KCND2: variants seen among roughly 807,000 people sequenced by gnomAD.
KCND2 encodes the protein A-type voltage-gated potassium channel KCND2.
A neutral mutation model predicts 54.4 loss-of-function variants in KCND2; 16 were observed. That is an observed-to-expected ratio of 0.29 (90% confidence interval 0.20 to 0.45). The LOEUF (loss-of-function observed/expected upper bound fraction) is 0.45, where lower values mean the gene tolerates loss of function less well. KCND2 is among the 20% of genes least tolerant of loss of function. The pLI, the probability that KCND2 is intolerant of heterozygous loss-of-function variation, is 1.00. For synonymous variants in KCND2, 317 were observed against 310.7 expected (o/e 1.02, Z -0.21); for missense variants, 486 against 824.2 (o/e 0.59, Z 5.02).
At chr7:120,568,482 A>T (rs949899503) in intron 1 of KCND2, among the ~76,000 whole-genome samples, 7 of 152,160 alleles carry the variant, frequency 4.6e-5, no homozygotes, top group Non-Finnish European at 7.4e-5. Context: ...GTACATTTGT[A>T]TCTTACTTTA....
chr7:120,509,899 C>A (rs1034449625), intron 1 of KCND2, among the ~76,000 whole-genome samples: 2 of 152,022 alleles, frequency 1.3e-5, no homozygotes, highest in African/African-American at 2.4e-5. Context: ...TTGGTTCATT[C>A]TTCTAGCCAA....
At chr7:120,281,253 A>G (rs887483038) in intron 1 of KCND2, among the ~76,000 whole-genome samples, 3 of 152,090 alleles carry the variant, frequency 2.0e-5, no homozygotes, top group African/African-American at 7.2e-5. Context: ...GTGATAATGA[A>G]TTCATTCCCT....
chr7:120,676,980 A>G (rs1792068408), intron 1 of KCND2, among the ~76,000 whole-genome samples: 1 of 145,182 alleles, frequency 6.9e-6, no homozygotes, highest in South Asian at 2.1e-4. Flanking sequence ...AATCATAACT[A>G]GTGAATTTGA....
intron 1 of KCND2, among the ~76,000 whole-genome samples, chr7:120,642,478 C>T (rs1793388825): frequency 6.6e-6 from 1 of 151,230 alleles, no homozygotes; most frequent in South Asian, 2.1e-4. Flanking sequence ...ACAAGAATCA[C>T]TTGAACCCGG....
intron 1 of KCND2, among the ~76,000 whole-genome samples, chr7:120,719,533 A>G (rs905638830): frequency 3.3e-5 from 5 of 152,182 alleles, no homozygotes; most frequent in African/African-American, 1.2e-4. Context: ...TAAAGCACAC[A>G]TTGTACATTT....
chr7:120,576,080 C>T (rs1792428545), intron 1 of KCND2, among the ~76,000 whole-genome samples: 1 of 152,026 alleles, frequency 6.6e-6, no homozygotes, highest in African/African-American at 2.4e-5. Flanking sequence ...GAAAAAATTA[C>T]CCCCCAAAAG....
intron 1 of KCND2, among the ~76,000 whole-genome samples, chr7:120,575,732 C>T (rs963724402): frequency 3.3e-5 from 5 of 152,096 alleles, no homozygotes; most frequent in African/African-American, 1.2e-4. Flanking sequence ...TTAAATCAAA[C>T]GAATACGTTC....
chr7:120,661,646 TCTC>T (rs748940990), intron 1 of KCND2, among the ~76,000 whole-genome samples: 52 of 137,642 alleles, frequency 3.8e-4, no homozygotes, highest in South Asian at 1.8e-3. Flanking sequence ...CTAGACTTCT[TCTC>T]AAAAAAAAAA....
chr7:120,358,218 A>G (rs1041117849), intron 1 of KCND2, among the ~76,000 whole-genome samples: 2 of 152,290 alleles, frequency 1.3e-5, no homozygotes, highest in Admixed American at 6.5e-5. Flanking sequence ...ACAGGTGAAT[A>G]AGATGTGTCA....
At chr7:120,655,131 A>G (rs148191824) in intron 1 of KCND2, among the ~76,000 whole-genome samples, 1 of 152,092 alleles carries the variant, frequency 6.6e-6, no homozygotes, top group East Asian at 1.9e-4. Flanking sequence ...ATTCATTTTT[A>G]TATTTAGAAA....
chr7:120,353,231 G>C (rs1277201994), intron 1 of KCND2, among the ~76,000 whole-genome samples: 1 of 139,414 alleles, frequency 7.2e-6, no homozygotes, highest in African/African-American at 2.6e-5. Flanking sequence ...AGTGGGAATT[G>C]AGACCCTGGC....
intron 1 of KCND2, among the ~76,000 whole-genome samples, chr7:120,452,778 C>T (rs1031363361): frequency 6.6e-6 from 1 of 152,254 alleles, no homozygotes; most frequent in Non-Finnish European, 1.5e-5. Context: ...AGCAGTGGAG[C>T]GTGGCCAGTG....
chr7:120,399,375 A>G (rs926492216), intron 1 of KCND2, among the ~76,000 whole-genome samples: 31 of 151,960 alleles, frequency 2.0e-4, no homozygotes, highest in African/African-American at 6.3e-4. Context: ...AACATAGAGA[A>G]AAAAACATTA....
rs191610788 is a variant in KCND2, at chr7:120,635,269, A to G, written c.1116-97634A>G. 2.6e-4 allele frequency among the ~76,000 whole-genome samples: 40 copies of G among 152,344 alleles called. No individual in the cohort carries two copies. The East Asian group carries it at 7.7e-3, about 29-fold the overall frequency. On this transcript the variant is annotated intron_variant, in intron 1 of 5. Transcript: ENST00000331113. Reference sequence around the variant, plus strand: ...CAAAAACTGATGTAGCAGATAAGTGAAGAATGAAATAACAATACTAAGCAT... The same window carrying G: ...CAAAAACTGATGTAGCAGATAAGTGGAGAATGAAATAACAATACTAAGCAT...
At chr7:120,436,947 T>G (rs1801875660) in intron 1 of KCND2, among the ~76,000 whole-genome samples, 1 of 152,174 alleles carries the variant, frequency 6.6e-6, no homozygotes, top group South Asian at 2.1e-4. Flanking sequence ...ACTTGATCTA[T>G]GGATATCAGT....
chr7:120,533,032 T>C (rs1233341091), intron 1 of KCND2, among the ~76,000 whole-genome samples: 1 of 152,092 alleles, frequency 6.6e-6, no homozygotes, highest in African/African-American at 2.4e-5. Context: ...TTCTCTGTAG[T>C]TAATTTTTTT....
chr7:120,713,264 A>G (rs1168304558), intron 1 of KCND2, among the ~76,000 whole-genome samples: 1 of 152,194 alleles, frequency 6.6e-6, no homozygotes, highest in South Asian at 2.1e-4. Context: ...CTCCAAGAGC[A>G]GAGTCTGCCT....
chr7:120,713,261 A>T (rs1792563663), intron 1 of KCND2, among the ~76,000 whole-genome samples: 1 of 152,174 alleles, frequency 6.6e-6, no homozygotes, highest in Non-Finnish European at 1.5e-5. Context: ...AGCCTCCAAG[A>T]GCAGAGTCTG....
At chr7:120,723,595 A>G (rs993874555) in intron 1 of KCND2, among the ~76,000 whole-genome samples, 4 of 152,102 alleles carry the variant, frequency 2.6e-5, no homozygotes, top group Admixed American at 1.3e-4. Context: ...GTGCATGCCT[A>G]TTGTCCCAGC....
Sources: allele counts gnomAD v4.1 joint callset (sites outside exome capture counted in the v4.1 genomes callset), GRCh38; gene constraint gnomAD v4.1.1; transcripts MANE v1.5; gene names NCBI Gene and HGNC (gene_info 2026-07-23, HGNC 2026-07-21).